The following NEB variants were observed in gnomAD, a reference collection of about 807,000 sequenced individuals.
NEB encodes the protein nemaline myopathy type 2.
NEB carries 512 observed loss-of-function variants against 952.2 expected under a neutral mutation model. The observed-to-expected ratio is 0.54, with a 90% confidence interval of 0.50 to 0.58. NEB has a LOEUF of 0.58. Ranked by LOEUF, NEB falls within the 20% of genes least tolerant of loss-of-function variation. NEB has a pLI of 0.00. For synonymous variants in NEB, 2,900 were observed against 3,149.8 expected (o/e 0.92, Z 2.66); for missense variants, 8,428 against 9,231.1 (o/e 0.91, Z 3.56).
At chr2:151,487,252 C>T (rs534069288) in intron 181 of NEB, among the ~76,000 whole-genome samples, 1 of 152,128 alleles carries the variant, frequency 6.6e-6, no homozygotes, top group Non-Finnish European at 1.5e-5. Flanking sequence ...CAAAGCTATC[C>T]TCCACAGTGT....
chr2:151,640,629 T>G lies in NEB; in HGVS notation c.8411A>C (p.His2804Pro). The G allele has an allele frequency of 6.2e-7, 1 of 1,613,718 alleles. No individual in the cohort carries two copies. Among genetic ancestry groups the G allele is most frequent in the Non-Finnish European group, 8.5e-7 (1 of 1,179,718 alleles). Residue 2804 changes from histidine to proline, a missense_variant, in exon 61 of 182, where the codon CAC (histidine) becomes CCC (proline). Physicochemically the swap from His to Pro is moderately conservative, Grantham distance 77 (BLOSUM62 -2). Transcript: ENST00000397345. ...YKEGYRKQLG[H>P]HIGARAIRDD... ...ACGTATAGCTCGGGCACCAATGTGG[T>G]GGCCGAGCTGCTTACGATAGCCTTC...
rs375458245 is a variant in NEB at position 151,505,830 on chromosome 2, G to T, written c.23650-260C>A. 9.2e-6 allele frequency: 5 copies of T among 546,388 alleles called. No homozygotes were observed. The East Asian group carries it at 1.2e-4, about 14-fold the overall frequency. The allele number at this position is 546,388 out of a possible 1,614,324, so 33.8% of individuals were successfully genotyped here. On this transcript the variant is annotated intron_variant, in intron 164 of 181. Coordinates refer to ENST00000397345, the MANE Select transcript of NEB (RefSeq NM_001164508.2). ...CCTATTTAGACTGCAGCCCTTTCCTGTATACTCCAATGTCTTTATGCCCAG... is the reference window on the plus strand; with the variant it reads ...CCTATTTAGACTGCAGCCCTTTCCTTTATACTCCAATGTCTTTATGCCCAG...
rs368988777 is a variant in NEB, at chr2:151,518,436, G to A, written c.22696-14C>T. On this transcript the variant is annotated splice_polypyrimidine_tract_variant and intron_variant, in intron 155 of 181. Coordinates refer to ENST00000397345, the MANE Select transcript of NEB (RefSeq NM_001164508.2). ...CTTGTACTGGTACTGAGGGGAAGGC[G>A]GCAAAAAAGGCACATTGATGGAGAA... The A allele has an allele frequency of 2.3e-5, 34 of 1,472,334 alleles. No homozygotes were observed. The highest frequency in any genetic ancestry group is 2.8e-5 in the Non-Finnish European group (30 of 1,057,852). The allele number at this position is 1,472,334 out of a possible 1,614,324, so 91.2% of individuals were successfully genotyped here.
At position 151,490,022 on chromosome 2, in the gene NEB, A is replaced by G. The variant is rs2054899252; in HGVS notation, c.25353T>C (p.Ala8451=). Residue 8451 remains alanine (A), a synonymous_variant, in exon 181 of 182, where the codon GCT becomes GCC. Coordinates refer to ENST00000397345, the MANE Select transcript of NEB (RefSeq NM_001164508.2). ...ELPQQRSSSV[A]TQQTTVSSIP... ...TGGAAGATACCGTTGTCTGTTGGGTAGCAACTGAAGATGATCGTTGTTGTG... is the reference window on the plus strand; with the variant it reads ...TGGAAGATACCGTTGTCTGTTGGGTGGCAACTGAAGATGATCGTTGTTGTG... 1 of 1,613,712 alleles carries G rather than the reference A, an allele frequency of 6.2e-7. No homozygotes were observed. Among genetic ancestry groups the G allele is most frequent in the Non-Finnish European group, 8.5e-7 (1 of 1,179,682 alleles).
chr2:151,503,162 A>ATTTC, intron 166 of NEB, 187 bp downstream of exon 166: 1 of 599,242 alleles, frequency 1.7e-6, no homozygotes, highest in Non-Finnish European at 2.9e-6. Context: ...AAGTCACTGA[A>ATTTC]AATGTTCAAG....
chr2:151,543,005 T>G lies in NEB; in HGVS notation c.20578-1454A>C, dbSNP rs137945369. Reference sequence around the variant, plus strand: ...CTTTCACAGACTGTCTTTCCTGCCTTGAATGTTCTTCTCCCTTTTATTTGC... The same window carrying G: ...CTTTCACAGACTGTCTTTCCTGCCTGGAATGTTCTTCTCCCTTTTATTTGC... On this transcript the variant is annotated intron_variant, in intron 135 of 181. Transcript: ENST00000397345. 2.3e-3 allele frequency among the ~76,000 whole-genome samples: 347 copies of G among 152,290 alleles called. 3 individuals are homozygous for G. Among genetic ancestry groups the G allele is most frequent in the Middle Eastern group, 6.8e-3 (2 of 294 alleles).
intron 46 of NEB, among the ~76,000 whole-genome samples, chr2:151,660,847 T>C (rs2099138556): frequency 6.6e-6 from 1 of 152,230 alleles, no homozygotes; most frequent in African/African-American, 2.4e-5. Flanking sequence ...ATGATGGAAA[T>C]GTTCTGCATA....
chr2:151,613,901 T>C (rs2098111899), intron 77 of NEB, among the ~76,000 whole-genome samples: 1 of 152,210 alleles, frequency 6.6e-6, no homozygotes, highest in Non-Finnish European at 1.5e-5. Context: ...ATTAAACCTC[T>C]TTTCTTCATA....
chr2:151,558,215 T>C (rs1460005588), intron 124 of NEB, among the ~76,000 whole-genome samples: 1 of 152,078 alleles, frequency 6.6e-6, no homozygotes, highest in African/African-American at 2.4e-5. Flanking sequence ...AGCATTCCTA[T>C]ATACCAGTAA....
Position 151,626,870 on chromosome 2 carries a change from G to T in NEB, c.10347+132C>A. On this transcript the variant is annotated intron_variant, in intron 70 of 181. Coordinates refer to ENST00000397345, the MANE Select transcript of NEB (RefSeq NM_001164508.2). Reference sequence around the variant, plus strand: ...CCATATATTGTTATCTAACAGAATAGAGAATTCAACTGAATCACTATACAT... The same window carrying T: ...CCATATATTGTTATCTAACAGAATATAGAATTCAACTGAATCACTATACAT... 1.1e-5 allele frequency: 12 copies of T among 1,141,184 alleles called. 1 individual carries two copies. In the South Asian group the frequency reaches 1.9e-4, roughly 18 times the overall value. 70.7% of individuals were successfully genotyped at this position (1,141,184 alleles called of 1,614,324 possible).
intron 37 of NEB, 29 bp from the exon 38 acceptor site, chr2:151,671,258 A>C: frequency 6.4e-7 from 1 of 1,557,284 alleles, no homozygotes; most frequent in East Asian, 2.3e-5. Flanking sequence ...ATATGAGAAG[A>C]TACCCTGGAG....
Position 151,501,333 on chromosome 2 carries a change from C to CTGTT in NEB, c.24021+54_24021+57dup, listed in dbSNP as rs547833033. On this transcript the variant is annotated intron_variant, in intron 168 of 181. Transcript: ENST00000397345. ...ATAAAGGGATGAACAGTGAGATGTT[C>CTGTT]TGTTTTGTAGAAATTATTATTTTTT... is the stretch of plus-strand genomic sequence containing the variant. 3.6e-4 allele frequency: 420 copies of CTGTT among 1,160,038 alleles called. 1 individual carries two copies. In the African/African-American group the frequency reaches 5.9e-3, roughly 16 times the overall value. 71.9% of individuals were successfully genotyped at this position (1,160,038 alleles called of 1,614,324 possible).
rs542238394 is a variant in NEB, at chr2:151,653,225, C to T, written c.6915+767G>A. Among the ~76,000 whole-genome samples, 155 of 152,252 alleles carry T rather than the reference C, an allele frequency of 1.0e-3. 1 individual carries two copies. Among genetic ancestry groups the T allele is most frequent in the African/African-American group, 3.5e-3 (147 of 41,546 alleles). On this transcript the variant is annotated intron_variant, in intron 52 of 181. Transcript: ENST00000397345. Reference sequence around the variant, plus strand: ...AATCCTGGTAATTTATTCACTATAACCAAGACCTTCTGAATTTTTGTGGTT... The same window carrying T: ...AATCCTGGTAATTTATTCACTATAATCAAGACCTTCTGAATTTTTGTGGTT...
At position 151,612,223 on chromosome 2, in the gene NEB, A is replaced by G; in HGVS notation, c.11768T>C (p.Ile3923Thr). The change falls in exon 78 of 182, where the codon ATT becomes ACT. Residue 3923 changes from isoleucine (I) to threonine (T), a missense_variant. Ile to Thr is a moderately conservative substitution (Grantham distance 89, BLOSUM62 -1). Transcript: ENST00000397345. ...CAGGGCATTATTCTTTGCTAGGACA[A>G]TTTCCGGAGTGTCGGTAATGCATGT... ...KFTCITDTPE[I>T]VLAKNNALTM... 1 of 1,613,792 alleles carries G rather than the reference A, an allele frequency of 6.2e-7. No individual in the cohort carries two copies. The highest frequency in any genetic ancestry group is 8.5e-7 in the Non-Finnish European group (1 of 1,179,824).
intron 133 of NEB, 86 bp downstream of exon 133, chr2:151,547,343 T>C: frequency 9.5e-7 from 1 of 1,057,156 alleles, no homozygotes. Context: ...AAAAGGCTGT[T>C]CAAAGACCAC....
chr2:151,714,206 C>T (rs2099753185), intron 10 of NEB, among the ~76,000 whole-genome samples: 1 of 152,128 alleles, frequency 6.6e-6, no homozygotes, highest in Admixed American at 6.5e-5. Flanking sequence ...AAGAAGAAAA[C>T]AATTCCCTCT....
intron 113 of NEB, 73 bp from the exon 114 acceptor site, chr2:151,567,552 T>C: frequency 1.4e-6 from 2 of 1,396,226 alleles, no homozygotes; most frequent in Non-Finnish European, 1.9e-6. Flanking sequence ...GATCATCTAC[T>C]AAGGGATATC....
chr2:151,626,713 T>A (rs1337372598), intron 70 of NEB, among the ~76,000 whole-genome samples: 1 of 152,122 alleles, frequency 6.6e-6, no homozygotes, highest in Non-Finnish European at 1.5e-5. Context: ...ATTTTTTGTA[T>A]TTTTAGTAGA....
intron 129 of NEB, 67 bp from the exon 130 acceptor site, chr2:151,549,807 A>G (rs2095152128): frequency 2.3e-6 from 2 of 877,450 alleles, no homozygotes; most frequent in Admixed American, 2.0e-5. Context: ...AGCTTAACAA[A>G]TCACATATAG....
Sources: gnomAD v4.1 joint callset for allele counts (sites outside exome capture counted in the v4.1 genomes callset) on GRCh38, gnomAD v4.1.1 for gene constraint, MANE v1.5 for transcripts, NCBI Gene and HGNC (gene_info 2026-07-23, HGNC 2026-07-21) for gene names.